The following ADCY6 variants were observed in gnomAD, a reference collection of about 807,000 sequenced individuals.
ADCY6 encodes adenylate cyclase type 6.
Under a neutral mutation model 111.6 loss-of-function variants are expected in ADCY6, and 59 were observed. The ratio of observed to expected loss-of-function variants is 0.53; its 90% CI spans 0.43 to 0.66. The LOEUF (loss-of-function observed/expected upper bound fraction) is 0.66. ADCY6 is among the 30% of genes least tolerant of loss of function. ADCY6 has a pLI of 0.00. For missense variants in ADCY6, 1,242 were observed against 1,595.6 expected, an observed-to-expected ratio of 0.78 and a Z score of 3.78; for synonymous variants, 576 against 642.9, an observed-to-expected ratio of 0.90 and a Z score of 1.57.
rs73296123 is a variant in ADCY6 at position 48,769,027 on chromosome 12, G to A, written c.3291C>T (p.Ile1097=). 3,941 of 1,612,836 alleles carry A rather than the reference G, an allele frequency of 2.4e-3. 89 individuals are homozygous for A. In the African/African-American group the frequency reaches 0.046, roughly 19 times the overall value. ...TGTCATACTGTGGCTTCCGAGCCCC[G>A]ATGACACCTGCCACGACTGGGCCCA... ...LNMGPVVAGV[I]GARKPQYDIW... is the part of the protein sequence containing the mutation. The change falls in exon 21 of 22, where the codon ATC becomes ATT. Residue 1097 remains isoleucine (I), a synonymous_variant. Transcript: ENST00000357869.
chr12:48,776,200 G>A lies in ADCY6; in HGVS notation c.1677+9C>T, dbSNP rs1941696329. The A allele has an allele frequency of 6.2e-7, 1 of 1,613,910 alleles. No individual in the cohort carries two copies. Among genetic ancestry groups the A allele is most frequent in the Non-Finnish European group, 8.5e-7 (1 of 1,180,008 alleles). ...GCTCCCCTGCCCCCAGCCCTGCCCT[G>A]GCCCTGACCCGTTTCTGGCTGGCGC... On this transcript the variant is annotated intron_variant, in intron 8 of 21. Transcript: ENST00000357869. This position sits in a 1 kb window ranked among gnomAD's most constrained non-coding sequence, Gnocchi z 6.1.
In ADCY6 at chr12:48,777,921, G is replaced by C. The variant is rs1941746687; in HGVS notation, c.1015-185C>G. 6.6e-6 allele frequency among the ~76,000 whole-genome samples: 1 copy of C among 152,040 alleles called. No individual in the cohort carries two copies. The highest frequency in any genetic ancestry group is 2.4e-5 in the African/African-American group (1 of 41,382). On this transcript the variant is annotated intron_variant, in intron 3 of 21. Coordinates refer to ENST00000357869, the MANE Select transcript of ADCY6 (RefSeq NM_015270.5). The surrounding 1 kb of genome is among the most constrained non-coding windows in gnomAD (Gnocchi z 4.9). ...ACCACCCTCCATTGAGCCCCCAGAT[G>C]TGCTCCTGTCTACGCCCTCCTTCCC...
Position 48,768,689 on chromosome 12 carries a change from C to G in ADCY6, c.3409G>C (p.Ala1137Pro), listed in dbSNP as rs1401924329. 1 of 1,614,176 alleles carries G rather than the reference C, an allele frequency of 6.2e-7. No homozygotes were observed. The highest frequency in any genetic ancestry group is 8.5e-7 in the Non-Finnish European group (1 of 1,180,002). The change falls in exon 22 of 22, where the codon GCT becomes CCT. Residue 1137 changes from alanine (A) to proline (P), a missense_variant. Physicochemically the swap from Ala to Pro is conservative, Grantham distance 27 (BLOSUM62 -1). Coordinates refer to ENST00000357869, the MANE Select transcript of ADCY6 (RefSeq NM_015270.5). ...CACTCCAGCTGGTAGCCCTTGGCAGCTAGAACCTGGTACAGGTCCGTGGTC... is the reference window on the plus strand; with the variant it reads ...CACTCCAGCTGGTAGCCCTTGGCAGGTAGAACCTGGTACAGGTCCGTGGTC... ...QVTTDLYQVL[A>P]AKGYQLECRG...
intron 1 of ADCY6, chr12:48,784,122 T>C (rs940726656): frequency 2.0e-5 from 3 of 151,546 alleles, no homozygotes; most frequent in East Asian, 3.9e-4. Flanking sequence ...TATGCACCTA[T>C]AGACCGGGCC....
At chr12:48,772,462 G>A in intron 17 of ADCY6, 38 bp from the exon 18 acceptor site, 1 of 1,614,200 alleles carries the variant, frequency 6.2e-7, no homozygotes, top group Non-Finnish European at 8.5e-7. Flanking sequence ...GTCTGAAGGA[G>A]GCATCTAATG....
chr12:48,772,178 C>A, intron 18 of ADCY6, 117 bp downstream of exon 18: 1 of 1,463,568 alleles, frequency 6.8e-7, no homozygotes, highest in Non-Finnish European at 9.1e-7. Context: ...AGGAATGGAA[C>A]CAGGGTGGGC....
intron 16 of ADCY6, 135 bp from the exon 17 acceptor site, chr12:48,772,678 C>G: frequency 1.0e-6 from 1 of 965,294 alleles, no homozygotes; most frequent in East Asian, 2.6e-5. Flanking sequence ...CTTTTACTTA[C>G]ATTAATTAAC....
intron 1 of ADCY6, among the ~76,000 whole-genome samples, chr12:48,787,177 C>T (rs770762267): frequency 2.6e-5 from 4 of 152,156 alleles, no homozygotes; most frequent in Non-Finnish European, 5.9e-5. Flanking sequence ...CCACCACCAT[C>T]CACCACCCAC....
At chr12:48,773,418 G>A in intron 16 of ADCY6, 51 bp downstream of exon 16, 1 of 1,581,356 alleles carries the variant, frequency 6.3e-7, no homozygotes, top group Non-Finnish European at 8.6e-7. Flanking sequence ...CAGTGACCTA[G>A]AAAGGTGAGG....
chr12:48,770,869 C>A lies in ADCY6; in HGVS notation c.3153G>T (p.Val1051=). The change falls in exon 20 of 22, where the codon GTG becomes GTT. Residue 1051 remains valine (V), a synonymous_variant. Coordinates refer to ENST00000357869, the MANE Select transcript of ADCY6 (RefSeq NM_015270.5). ...CCAGGGCAGTGATGTGGGAGCGGCC[C>A]ACCTGATCGTAGGTGCTGGCGTTCA... ...SGLNASTYDQ[V]GRSHITALAD... is the part of the protein sequence containing the mutation. 1 of 1,614,234 alleles carries A rather than the reference C, an allele frequency of 6.2e-7. No individual in the cohort carries two copies. The highest frequency in any genetic ancestry group is 8.5e-7 in the Non-Finnish European group (1 of 1,180,036).
intron 18 of ADCY6, 53 bp from the exon 19 acceptor site, chr12:48,772,026 T>C: frequency 6.4e-7 from 1 of 1,563,830 alleles, no homozygotes; most frequent in African/African-American, 1.4e-5. Context: ...GGGGTAGGTG[T>C]GGTGGCCAAG....
Position 48,771,773 on chromosome 12 carries a change from C to A in ADCY6, c.2988G>T (p.Glu996Asp). The A allele has an allele frequency of 6.2e-7, 1 of 1,614,224 alleles. No individual in the cohort carries two copies. Among genetic ancestry groups the A allele is most frequent in the Non-Finnish European group, 8.5e-7 (1 of 1,180,052 alleles). ...GGCACTCGACACCCTCATTGTTTGC[C>A]TCCAGCTCCACATAGAACTCAGAGA... ...ANFSEFYVEL[E>D]ANNEGVECLR... is the part of the protein sequence containing the mutation. The change falls in exon 19 of 22, where the codon GAG (glutamate) becomes GAT (aspartate). Residue 996 changes from glutamate to aspartate, a missense_variant. By Grantham distance (45) the Glu-to-Asp change is conservative (BLOSUM62 2). This residue lies in a region of ADCY6 where 245 missense variants were observed against 371.3 expected (regional missense o/e 0.66). Coordinates refer to ENST00000357869, the MANE Select transcript of ADCY6 (RefSeq NM_015270.5). The surrounding 1 kb of genome is among the most constrained non-coding windows in gnomAD (Gnocchi z 4.3).
chr12:48,779,923 C>T (rs1185559846), intron 2 of ADCY6, among the ~76,000 whole-genome samples: 1 of 152,166 alleles, frequency 6.6e-6, no homozygotes, highest in Non-Finnish European at 1.5e-5. Context: ...ATTTCCAGCT[C>T]CAGCCTCTGG....
intron 10 of ADCY6, 106 bp from the exon 11 acceptor site, chr12:48,775,556 G>T: frequency 6.3e-7 from 1 of 1,577,028 alleles, no homozygotes; most frequent in Non-Finnish European, 8.7e-7. Flanking sequence ...GAGAGCCAGG[G>T]GGGTGGCTCC....
In ADCY6 at chr12:48,772,289, A is replaced by T; in HGVS notation, c.2787+6T>A. 6.2e-7 allele frequency: 1 copy of T among 1,609,734 alleles called. No individual in the cohort carries two copies. The highest frequency in any genetic ancestry group is 8.5e-7 in the Non-Finnish European group (1 of 1,177,656). ...CTCCTCTTCCCCCAAAGGCCCACACAGTCACCTGTAGTTTCCAGAGGAAGT... is the reference window on the plus strand; with the variant it reads ...CTCCTCTTCCCCCAAAGGCCCACACTGTCACCTGTAGTTTCCAGAGGAAGT... On this transcript the variant is annotated splice_donor_region_variant and intron_variant, in intron 18 of 21. Transcript: ENST00000357869.
chr12:48,773,746 CCA>C, intron 15 of ADCY6, 99 bp from the exon 16 acceptor site: 3 of 1,509,190 alleles, frequency 2.0e-6, no homozygotes, highest in Non-Finnish European at 2.7e-6. Context: ...AACCTTCCCA[CCA>C]CACCCCTCAA....
rs745871852 is a variant in ADCY6 at position 48,776,079 on chromosome 12, C to G, written c.1690G>C (p.Ala564Pro). The G allele has an allele frequency of 7.4e-6, 12 of 1,613,610 alleles. No individual in the cohort carries two copies. Among genetic ancestry groups the G allele is most frequent in the South Asian group, 1.1e-5 (1 of 91,000 alleles). The change falls in exon 9 of 22, where the codon GCC becomes CCC. Residue 564 changes from alanine to proline, a missense_variant. Transcript: ENST00000357869. This position sits in a 1 kb window ranked among gnomAD's most constrained non-coding sequence, Gnocchi z 6.1. ...GTCCGCTGCAGCTTGGCCAGCATGG[C>G]CTTCTCCTCTTTCTGTGCGGGCAGC... The part of the protein sequence containing the change: ...GASQKRKEEK[A>P]MLAKLQRTRA...
intron 11 of ADCY6, 120 bp downstream of exon 11, chr12:48,775,183 C>A: frequency 6.7e-7 from 1 of 1,497,238 alleles, no homozygotes; most frequent in South Asian, 1.2e-5. Context: ...AATCCTCACC[C>A]TGCTCTGTGG....
rs757102923 is a variant in ADCY6 at position 48,782,922 on chromosome 12, G to A, written c.513C>T (p.Ala171=). 9.3e-6 allele frequency: 15 copies of A among 1,613,348 alleles called. No individual in the cohort carries two copies. In the Admixed American group the frequency reaches 1.3e-4, roughly 14 times the overall value. ...LLTAVLLAFH[A]APARPQPAYV... ...AGGCAGGCTGAGGGCGGGCGGGTGC[G>A]GCGTGGAAAGCCAGCAGCACCGCTG... Residue 171 remains alanine (A), a synonymous_variant, in exon 2 of 22, where the codon GCC becomes GCT. Transcript: ENST00000357869. This position sits in a 1 kb window ranked among gnomAD's most constrained non-coding sequence, Gnocchi z 4.3.
Sources: allele counts gnomAD v4.1 joint callset (sites outside exome capture counted in the v4.1 genomes callset), GRCh38; gene constraint gnomAD v4.1.1; regional missense constraint gnomAD v4.1.1; non-coding constraint Gnocchi (gnomAD v3.1); transcripts MANE v1.5; gene names NCBI Gene and HGNC (gene_info 2026-07-23, HGNC 2026-07-21).